Variants in MSI2 observed in about 807,000 individuals in gnomAD.
MSI2 encodes the protein musashi RNA binding protein 2, also known as RNA-binding protein Musashi homolog 2.
In MSI2, 17 loss-of-function variants were observed where a neutral mutation model predicts 45.6. The ratio of observed to expected loss-of-function variants is 0.37; its 90% CI spans 0.26 to 0.56. The LOEUF (loss-of-function observed/expected upper bound fraction) is 0.56. Among genes scored for constraint, MSI2 ranks in the 20% least tolerant of loss-of-function variants. The probability of loss-of-function intolerance (pLI) is 0.77; values close to 1 mark genes in which losing one functional copy is unlikely to be tolerated. For synonymous variants in MSI2, 156 were observed against 158.2 expected, an observed-to-expected ratio of 0.99 and a Z score of 0.11; for missense variants, 293 against 444.2, an observed-to-expected ratio of 0.66 and a Z score of 3.06.
rs538006324 is a variant in MSI2 at position 57,573,181 on chromosome 17, T to G, written c.455-23687T>G. Among the ~76,000 whole-genome samples, 5 of 152,324 alleles carry G rather than the reference T, an allele frequency of 3.3e-5. No individual in the cohort carries two copies. In the East Asian group the frequency reaches 9.6e-4, roughly 29 times the overall value. On this transcript the variant is annotated intron_variant, in intron 7 of 13. Transcript: ENST00000284073. ...TTTGTCAGCATTGGTTACTAGTTAT[T>G]GTAAAGATATTGCCTTACATTTATA...
chr17:57,459,562 C>A (rs1417932997), intron 6 of MSI2, among the ~76,000 whole-genome samples: 1 of 152,286 alleles, frequency 6.6e-6, no homozygotes, highest in Admixed American at 6.5e-5. Context: ...ATTAGAGCAG[C>A]TTTTAGTCAC....
intron 7 of MSI2, chr17:57,565,983 G>T (rs2087721478): frequency 6.6e-6 from 1 of 152,222 alleles, no homozygotes; most frequent in Admixed American, 6.5e-5. Flanking sequence ...CTTTGGGCCG[G>T]CTGTGTATTG....
intron 5 of MSI2, among the ~76,000 whole-genome samples, chr17:57,358,699 A>T (rs749287744): frequency 6.6e-6 from 1 of 152,220 alleles, no homozygotes; most frequent in African/African-American, 2.4e-5. Context: ...CCATAAGTAC[A>T]AGGTTTGAGG....
At chr17:57,646,216 T>G (rs953780238) in intron 10 of MSI2, among the ~76,000 whole-genome samples, 1 of 152,200 alleles carries the variant, frequency 6.6e-6, no homozygotes, top group African/African-American at 2.4e-5. Flanking sequence ...AAATAAGATA[T>G]GCACACAAAA....
chr17:57,337,376 AT>A (rs1914763220), intron 5 of MSI2, among the ~76,000 whole-genome samples: 1 of 152,134 alleles, frequency 6.6e-6, no homozygotes, highest in South Asian at 2.1e-4. Context: ...CCACTGTCTG[AT>A]GGCATTGGTG....
rs1340414427 is a variant in MSI2, at chr17:57,529,992, C to G, written c.454+268C>G. On this transcript the variant is annotated intron_variant, in intron 7 of 13. Coordinates refer to ENST00000284073, the MANE Select transcript of MSI2 (RefSeq NM_138962.4). This position sits in a 1 kb window ranked among gnomAD's most constrained non-coding sequence, Gnocchi z 5.3. The stretch of plus-strand genomic sequence containing the variant: ...GACACACATATTCAGATGTACCTCT[C>G]TAATCCTGCCTTTCTGGGTCCCTTG... Among the ~76,000 whole-genome samples, 1 of 152,326 alleles carries G rather than the reference C, an allele frequency of 6.6e-6. No individual in the cohort carries two copies. Among genetic ancestry groups the G allele is most frequent in the East Asian group, 1.9e-4 (1 of 5,184 alleles).
intron 6 of MSI2, among the ~76,000 whole-genome samples, chr17:57,433,115 G>C (rs1174160073): frequency 1.3e-5 from 2 of 152,108 alleles, no homozygotes. Flanking sequence ...TTTCGAGAAA[G>C]GATTTGAGAC....
In MSI2 at chr17:57,257,078, G is replaced by A; in HGVS notation, c.63-20G>A. ...CGATCTGACATCGGTGCTCACTTCTGTTATGTTTTCTCCCTCTAGTAAAAT... is the reference window on the plus strand; with the variant it reads ...CGATCTGACATCGGTGCTCACTTCTATTATGTTTTCTCCCTCTAGTAAAAT... On this transcript the variant is annotated intron_variant, in intron 1 of 13. Transcript: ENST00000284073. 7.1e-7 allele frequency: 1 copy of A among 1,416,192 alleles called. No homozygotes were observed. Among genetic ancestry groups the A allele is most frequent in the Non-Finnish European group, 9.5e-7 (1 of 1,058,066 alleles). 87.7% of individuals were successfully genotyped at this position (1,416,192 alleles called of 1,614,324 possible). A position where few individuals can be genotyped will look rare whatever the true frequency, so the allele number is the denominator to read the frequency against.
intron 8 of MSI2, among the ~76,000 whole-genome samples, chr17:57,597,845 C>T (rs1905410001): frequency 6.6e-6 from 1 of 152,136 alleles, no homozygotes; most frequent in Non-Finnish European, 1.5e-5. Context: ...ATTAACATTC[C>T]CTCCCTTGCC....
chr17:57,479,235 C>T (rs1183121091), intron 6 of MSI2, among the ~76,000 whole-genome samples: 1 of 152,144 alleles, frequency 6.6e-6, no homozygotes, highest in Non-Finnish European at 1.5e-5. Flanking sequence ...AGTTTCAAGC[C>T]ATTTTTTGGG....
intron 6 of MSI2, among the ~76,000 whole-genome samples, chr17:57,433,330 G>A (rs192795965): frequency 2.6e-5 from 4 of 152,260 alleles, no homozygotes; most frequent in East Asian, 1.9e-4. Context: ...GGGTGCTAAT[G>A]CAGTGACTGG....
intron 5 of MSI2, chr17:57,266,387 A>C (rs1907771821): frequency 6.6e-6 from 1 of 152,174 alleles, no homozygotes; most frequent in African/African-American, 2.4e-5. Context: ...TTTAAGACGG[A>C]GCCTCACTCT....
chr17:57,342,679 T>C (rs1915268943), intron 5 of MSI2, among the ~76,000 whole-genome samples: 1 of 152,206 alleles, frequency 6.6e-6, no homozygotes, highest in African/African-American at 2.4e-5. Flanking sequence ...TCATGTCTTT[T>C]TGTGAAAATT....
chr17:57,484,902 C>T (rs1014842235), intron 6 of MSI2, among the ~76,000 whole-genome samples: 1 of 152,232 alleles, frequency 6.6e-6, no homozygotes, highest in Non-Finnish European at 1.5e-5. Flanking sequence ...TTCCCTGCTT[C>T]TCTCTCGGGG....
At chr17:57,465,314 C>T (rs576410328) in intron 6 of MSI2, among the ~76,000 whole-genome samples, 1 of 151,916 alleles carries the variant, frequency 6.6e-6, no homozygotes, top group African/African-American at 2.4e-5. Flanking sequence ...GAAAAAAAAA[C>T]ACACAGAGGA....
At chr17:57,602,851 G>C (rs1906060362) in intron 8 of MSI2, among the ~76,000 whole-genome samples, 1 of 152,186 alleles carries the variant, frequency 6.6e-6, no homozygotes. Flanking sequence ...GGAATGCAGA[G>C]TCCCAGGACC....
intron 5 of MSI2, among the ~76,000 whole-genome samples, chr17:57,375,863 T>C (rs2083486826): frequency 6.6e-6 from 1 of 152,176 alleles, no homozygotes; most frequent in South Asian, 2.1e-4. Flanking sequence ...TACAGGTAGA[T>C]GTCTGTTCCT....
chr17:57,299,226 C>T (rs139223863), intron 5 of MSI2, among the ~76,000 whole-genome samples: 4 of 152,318 alleles, frequency 2.6e-5, no homozygotes, highest in South Asian at 2.1e-4. Context: ...AAACTTTCTC[C>T]GTATCAGCAA....
intron 5 of MSI2, among the ~76,000 whole-genome samples, chr17:57,343,784 T>C (rs1052528114): frequency 6.6e-6 from 1 of 152,234 alleles, no homozygotes; most frequent in Non-Finnish European, 1.5e-5. Flanking sequence ...TCCCTAGCCT[T>C]TCTTTGCCTT....
Sources: allele counts gnomAD v4.1 joint callset (sites outside exome capture counted in the v4.1 genomes callset), GRCh38; gene constraint gnomAD v4.1.1; non-coding constraint Gnocchi (gnomAD v3.1); transcripts MANE v1.5; gene names NCBI Gene and HGNC (gene_info 2026-07-23, HGNC 2026-07-21).